STK38: variants seen among roughly 807,000 people sequenced by gnomAD.
STK38 encodes the protein serine/threonine kinase 38.
Under a neutral mutation model 59.0 loss-of-function variants are expected in STK38, and 26 were observed. That is an observed-to-expected ratio of 0.44 (90% confidence interval 0.32 to 0.61). The LOEUF is 0.61. STK38 is among the 20% of genes least tolerant of loss of function. The probability of loss-of-function intolerance (pLI) is 0.04; values close to 1 mark genes in which losing one functional copy is unlikely to be tolerated. For missense variants in STK38, 433 were observed against 566.0 expected (o/e 0.76, Z 2.38); for synonymous variants, 175 against 176.6 (o/e 0.99, Z 0.07).
rs1033075477 is a variant in STK38 at position 36,500,044 on chromosome 6, G to C, written c.835-54C>G. On this transcript the variant is annotated intron_variant, in intron 9 of 13. Transcript: ENST00000229812. The stretch of plus-strand genomic sequence containing the variant: ...CCCAGCCAGGCAGGAGGTGCCCAGA[G>C]TTCTGTTCTAGAAACCAAAGGCTAT... 12 of 1,403,438 alleles carry C rather than the reference G, an allele frequency of 8.6e-6. No individual in the cohort carries two copies. In the South Asian group the frequency reaches 1.2e-4, roughly 14 times the overall value. 86.9% of individuals were successfully genotyped at this position (1,403,438 alleles called of 1,614,324 possible).
At position 36,496,772 on chromosome 6, in the gene STK38, T is replaced by G. The variant is rs775815099; in HGVS notation, c.1206A>C (p.Lys402Asn). The change falls in exon 13 of 14, where the codon AAA becomes AAC. Residue 402 changes from lysine (K) to asparagine (N), a missense_variant. By Grantham distance (94) the Lys-to-Asn change is moderately conservative. Transcript: ENST00000229812. ...ERPAAISIEI[K>N]SIDDTSNFDE... ...CGAAGTTTGAGGTATCATCAATGCT[T>G]TTGATTTCAATAGATATTGCAGCAG... 6.2e-7 allele frequency: 1 copy of G among 1,613,474 alleles called. No individual in the cohort carries two copies. The highest frequency in any genetic ancestry group is 8.5e-7 in the Non-Finnish European group (1 of 1,179,812).
chr6:36,498,589 CT>C (rs374274208), intron 10 of STK38, 103 bp from the exon 11 acceptor site: 165,804 of 907,842 alleles, frequency 0.18, 1 homozygote, highest in East Asian at 0.21. Flanking sequence ...TTTCTTTTTT[CT>C]TTTTTTTTTT....
At chr6:36,535,874 CA>C (rs35930267) in intron 2 of STK38, among the ~76,000 whole-genome samples, 21,283 of 75,336 alleles carry the variant, frequency 0.28, 1,798 homozygotes, top group African/African-American at 0.41. Context: ...GACTCCGTCT[CA>C]AAAAAAAAAA....
Position 36,521,833 on chromosome 6 carries a change from A to C in STK38, c.307-16T>G. 1.2e-6 allele frequency: 2 copies of C among 1,603,132 alleles called. No individual in the cohort carries two copies. The highest frequency in any genetic ancestry group is 1.7e-6 in the Non-Finnish European group (2 of 1,175,728). ...CAAGCCGTACCTAAAAAGTTATAAA[A>C]GAAATGCCAAGTCAAAAACTCGTAC... is the stretch of plus-strand genomic sequence containing the variant. On this transcript the variant is annotated splice_polypyrimidine_tract_variant and intron_variant, in intron 4 of 13. Coordinates refer to ENST00000229812, the MANE Select transcript of STK38 (RefSeq NM_007271.4).
intron 1 of STK38, among the ~76,000 whole-genome samples, chr6:36,546,496 CGGT>C (rs1778055537): frequency 6.6e-6 from 1 of 152,178 alleles, no homozygotes; most frequent in African/African-American, 2.4e-5. Context: ...CAACCCTCCT[CGGT>C]GCATTTCAAA....
chr6:36,527,262 ATATG>A (rs1777548927), intron 2 of STK38, among the ~76,000 whole-genome samples: 1 of 147,314 alleles, frequency 6.8e-6, no homozygotes, highest in Non-Finnish European at 1.5e-5. Context: ...ACATATGTAT[ATATG>A]TACACATGTA....
intron 8 of STK38, among the ~76,000 whole-genome samples, chr6:36,507,111 T>G (rs1167209854): frequency 2.0e-5 from 3 of 152,196 alleles, no homozygotes; most frequent in Non-Finnish European, 4.4e-5. Flanking sequence ...GTCAACGATT[T>G]CATAGTGCTC....
In STK38 at chr6:36,524,370, T is replaced by G; in HGVS notation, c.277A>C (p.Lys93Gln). The G allele has an allele frequency of 1.2e-6, 2 of 1,613,458 alleles. No individual in the cohort carries two copies. The highest frequency in any genetic ancestry group is 1.7e-6 in the Non-Finnish European group (2 of 1,179,830). The change falls in exon 4 of 14, where the codon AAA becomes CAA. Residue 93 changes from lysine (K) to glutamine (Q), a missense_variant. Coordinates refer to ENST00000229812, the MANE Select transcript of STK38 (RefSeq NM_007271.4). ...RLGLEDFESL[K>Q]VIGRGAFGEV... ...CCAAATGCTCCTCTGCCTATTACTT[T>G]TAAGGACTCAAAATCTTCCAATCCA...
chr6:36,531,395 T>C (rs1300617495), intron 2 of STK38, among the ~76,000 whole-genome samples: 6 of 152,260 alleles, frequency 3.9e-5, no homozygotes, highest in Non-Finnish European at 2.9e-5. Context: ...TGAAAATGTT[T>C]TGTAAAAAGA....
chr6:36,534,008 T>C (rs1777730174), intron 2 of STK38, among the ~76,000 whole-genome samples: 1 of 152,200 alleles, frequency 6.6e-6, no homozygotes, highest in Non-Finnish European at 1.5e-5. Flanking sequence ...ATATATCCCA[T>C]GTAAATTATC....
At position 36,494,400 on chromosome 6, in the gene STK38, A is replaced by G. The variant is rs1248576610; in HGVS notation, c.*1384T>C. On this transcript the variant is annotated 3_prime_UTR_variant, in exon 14 of 14. Transcript: ENST00000229812. ...TTTGCAACAGGCAAAGTTCCCACAT[A>G]GGTGCAAATGATGCTTTAAGAGTTA... 6.5e-6 allele frequency: 1 copy of G among 152,696 alleles called. No individual in the cohort carries two copies. The highest frequency in any genetic ancestry group is 2.4e-5 in the African/African-American group (1 of 41,464). 9.5% of individuals were successfully genotyped at this position (152,696 alleles called of 1,614,324 possible). A position where few individuals can be genotyped will look rare whatever the true frequency, so the allele number is the denominator to read the frequency against.
rs1463202942 is a variant in STK38, at chr6:36,524,423, T to A, written c.224A>T (p.Glu75Val). ...TCTTGTTCTCTTCAAACGAAGAAAC[T>A]CTGTTTCCTTCCGAGCATGTGCTGA... ...RRSAHARKETEFLRLKRTRLG... is the reference protein window; with the variant it reads ...RRSAHARKETVFLRLKRTRLG... Residue 75 changes from glutamate to valine, a missense_variant, in exon 4 of 14, where the codon GAG becomes GTG. Glu to Val is a moderately radical substitution (Grantham distance 121, BLOSUM62 -2). Around this residue, in one of 3 missense-constraint regions of STK38, gnomAD observed 293 missense variants for 388.2 expected, o/e 0.75. Coordinates refer to ENST00000229812, the MANE Select transcript of STK38 (RefSeq NM_007271.4). 1 of 1,612,830 alleles carries A rather than the reference T, an allele frequency of 6.2e-7. No individual in the cohort carries two copies. Among genetic ancestry groups the A allele is most frequent in the Non-Finnish European group, 8.5e-7 (1 of 1,179,620 alleles).
At chr6:36,538,876 A>T (rs1165322238) in intron 2 of STK38, among the ~76,000 whole-genome samples, 1 of 147,872 alleles carries the variant, frequency 6.8e-6, no homozygotes, top group Non-Finnish European at 1.5e-5. Context: ...TGGGTGACAG[A>T]ACAAGACTCT....
chr6:36,540,471 GCA>G (rs1250788651), intron 1 of STK38, among the ~76,000 whole-genome samples: 4 of 152,180 alleles, frequency 2.6e-5, no homozygotes, highest in African/African-American at 9.7e-5. Flanking sequence ...AGGATGTTCA[GCA>G]CAGAGAGGAT....
At chr6:36,511,507 C>T (rs542961880) in intron 7 of STK38, among the ~76,000 whole-genome samples, 1 of 152,080 alleles carries the variant, frequency 6.6e-6, no homozygotes, top group East Asian at 2.0e-4. Flanking sequence ...AGGTGCCCGC[C>T]ACCACATCTG....
At chr6:36,536,146 T>C (rs1777785290) in intron 2 of STK38, among the ~76,000 whole-genome samples, 1 of 152,196 alleles carries the variant, frequency 6.6e-6, no homozygotes, top group South Asian at 2.1e-4. Flanking sequence ...CACACCTATA[T>C]GTCACTTGAT....
rs147106265 is a variant in STK38 at position 36,496,093 on chromosome 6, G to A, written c.1268-179C>T. On this transcript the variant is annotated intron_variant, in intron 13 of 13. Transcript: ENST00000229812. Reference sequence around the variant, plus strand: ...CAGAGTCTTGCTCTGTCGCCAGGCTGGAGTGCAGTGGCGTCATCTCAGCTC... The same window carrying A: ...CAGAGTCTTGCTCTGTCGCCAGGCTAGAGTGCAGTGGCGTCATCTCAGCTC... Among the ~76,000 whole-genome samples the A allele has an allele frequency of 6.4e-3, 938 of 146,366 alleles. 9 individuals are homozygous for A. Among genetic ancestry groups the A allele is most frequent in the African/African-American group, 0.021 (820 of 39,084 alleles).
chr6:36,514,383 G>A (rs1777195536), intron 7 of STK38, among the ~76,000 whole-genome samples: 1 of 149,592 alleles, frequency 6.7e-6, no homozygotes. Flanking sequence ...CTTCAAAGAA[G>A]AAAAATACCC....
At chr6:36,523,074 C>T (rs1400678567) in intron 4 of STK38, among the ~76,000 whole-genome samples, 1 of 151,916 alleles carries the variant, frequency 6.6e-6, no homozygotes, top group Non-Finnish European at 1.5e-5. Flanking sequence ...TTTCTTCTCC[C>T]TGAACCTTTC....
Sources: gnomAD v4.1 joint callset for allele counts (sites outside exome capture counted in the v4.1 genomes callset) on GRCh38, gnomAD v4.1.1 for gene constraint, gnomAD v4.1.1 regional missense constraint, MANE v1.5 for transcripts, NCBI Gene and HGNC (gene_info 2026-07-23, HGNC 2026-07-21) for gene names.